SEPTIN9: variants seen among roughly 807,000 people sequenced by gnomAD.
The protein encoded by SEPTIN9 is septin 9.
A neutral mutation model predicts 56.6 loss-of-function variants in SEPTIN9; 13 were observed. The ratio of observed to expected loss-of-function variants is 0.23; its 90% CI spans 0.15 to 0.37. SEPTIN9 has a LOEUF of 0.37. Ranked by LOEUF, SEPTIN9 falls within the 10% of genes least tolerant of loss-of-function variation. SEPTIN9 has a pLI of 1.00. For missense variants in SEPTIN9, 650 were observed against 823.1 expected (o/e 0.79, Z 2.57); for synonymous variants, 332 against 334.1 (o/e 0.99, Z 0.07).
chr17:77,399,218 A>G (rs1450384358), intron 2 of SEPTIN9, among the ~76,000 whole-genome samples: 1 of 152,172 alleles, frequency 6.6e-6, no homozygotes, highest in Non-Finnish European at 1.5e-5. Context: ...AGTGTCTTCG[A>G]TCATGAGTTG....
intron 3 of SEPTIN9, among the ~76,000 whole-genome samples, chr17:77,480,624 G>T (rs2039417366): frequency 6.6e-6 from 1 of 152,220 alleles, no homozygotes; most frequent in African/African-American, 2.4e-5. Flanking sequence ...CGGGGGATGA[G>T]CCCCCTGCAG....
chr17:77,294,729 T>G (rs1410032589), intron 1 of SEPTIN9: 1 of 152,774 alleles, frequency 6.5e-6, no homozygotes, highest in Admixed American at 6.5e-5. Context: ...AACTGAATCC[T>G]TTGCTTACAA....
intron 3 of SEPTIN9, among the ~76,000 whole-genome samples, chr17:77,427,494 G>T (rs559448104): frequency 2.0e-5 from 3 of 152,296 alleles, no homozygotes; most frequent in African/African-American, 7.2e-5. Context: ...CCGTCCTCCG[G>T]GCTCTGGCAA....
intron 3 of SEPTIN9, among the ~76,000 whole-genome samples, chr17:77,459,202 A>G (rs2038349980): frequency 6.6e-6 from 1 of 152,184 alleles, no homozygotes; most frequent in African/African-American, 2.4e-5. Context: ...ACTTGCCTAA[A>G]GTCCCTTAGC....
chr17:77,356,950 T>C (rs1372198154), intron 2 of SEPTIN9, among the ~76,000 whole-genome samples: 1 of 151,098 alleles, frequency 6.6e-6, no homozygotes, highest in Non-Finnish European at 1.5e-5. Flanking sequence ...GTGGCCTTAT[T>C]TATGACTCAG....
At chr17:77,348,899 T>C (rs2033972131) in intron 2 of SEPTIN9, among the ~76,000 whole-genome samples, 1 of 152,148 alleles carries the variant, frequency 6.6e-6, no homozygotes, top group Non-Finnish European at 1.5e-5. Context: ...AACAGAATCT[T>C]TTCTATTTGC....
In SEPTIN9 at chr17:77,487,379, G is replaced by A. The variant is rs440024; in HGVS notation, c.914-45G>A. 4.8e-3 allele frequency: 7,432 copies of A among 1,564,354 alleles called. 303 individuals are homozygous for A. In the African/African-American group the frequency reaches 0.089, roughly 19 times the overall value. On this transcript the variant is annotated intron_variant, in intron 4 of 11. Coordinates refer to ENST00000427177, the MANE Select transcript of SEPTIN9 (RefSeq NM_001113491.2). The surrounding 1 kb of genome is among the most constrained non-coding windows in gnomAD (Gnocchi z 4.3). ...GGGGCCCCATGTGCAGACCCTGCTGGTCTCTCCGGAGAGACCCCTGACCGG... is the reference window on the plus strand; with the variant it reads ...GGGGCCCCATGTGCAGACCCTGCTGATCTCTCCGGAGAGACCCCTGACCGG...
At chr17:77,479,280 G>C (rs187595571) in intron 3 of SEPTIN9, among the ~76,000 whole-genome samples, 1 of 152,362 alleles carries the variant, frequency 6.6e-6, no homozygotes, top group East Asian at 1.9e-4. Context: ...GTTTCCAGCT[G>C]TCTGAGCACC....
chr17:77,493,188 C>A, intron 10 of SEPTIN9, 112 bp downstream of exon 10: 1 of 778,884 alleles, frequency 1.3e-6, no homozygotes, highest in Non-Finnish European at 2.1e-6. Context: ...TCATCCACTG[C>A]CTTGCCCCAC....
At position 77,319,370 on chromosome 17, in the gene SEPTIN9, C is replaced by T. The variant is rs2032818300; in HGVS notation, c.76+12173C>T. On this transcript the variant is annotated intron_variant, in intron 2 of 11. Coordinates refer to ENST00000427177, the MANE Select transcript of SEPTIN9 (RefSeq NM_001113491.2). This position sits in a 1 kb window ranked among gnomAD's most constrained non-coding sequence, Gnocchi z 5.3. ...AACAGTGGGGAACAGCACTGATCCC[C>T]CAGTGGGGCCCCGAGTTCCCGGAGA... 4.4e-6 allele frequency: 1 copy of T among 225,660 alleles called. No individual in the cohort carries two copies. Among genetic ancestry groups the T allele is most frequent in the Non-Finnish European group, 7.9e-6 (1 of 126,244 alleles). 14.0% of individuals were successfully genotyped at this position (225,660 alleles called of 1,614,324 possible).
Position 77,500,391 on chromosome 17 carries a change from T to TGGGG in SEPTIN9, c.*1735_*1738dup. On this transcript the variant is annotated 3_prime_UTR_variant, in exon 12 of 12. Coordinates refer to ENST00000427177, the MANE Select transcript of SEPTIN9 (RefSeq NM_001113491.2). Reference sequence around the variant, plus strand: ...AATGTCACTTGGTGGCGGGGTGGGGTGGGGGTGGGCAGCAGCATCCCAGCC... The same window carrying TGGGG: ...AATGTCACTTGGTGGCGGGGTGGGGTGGGGGGGGGTGGGCAGCAGCATCCCAGCC... The TGGGG allele has an allele frequency of 6.3e-6, 1 of 158,896 alleles. No individual in the cohort carries two copies. Among genetic ancestry groups the TGGGG allele is most frequent in the African/African-American group, 2.5e-5 (1 of 39,558 alleles). 9.8% of individuals were successfully genotyped at this position (158,896 alleles called of 1,614,324 possible). A position where few individuals can be genotyped will look rare whatever the true frequency, so the allele number is the denominator to read the frequency against.
intron 3 of SEPTIN9, among the ~76,000 whole-genome samples, chr17:77,439,887 A>C (rs867160515): frequency 8.5e-5 from 13 of 152,174 alleles, no homozygotes; most frequent in Middle Eastern, 3.2e-3. Context: ...AGTGCTGCCA[A>C]ATTGCCCCAT....
chr17:77,339,379 G>C (rs1258709634), intron 2 of SEPTIN9, among the ~76,000 whole-genome samples: 1 of 152,172 alleles, frequency 6.6e-6, no homozygotes, highest in African/African-American at 2.4e-5. Context: ...CAGAATGGGT[G>C]TTACATTAGC....
At chr17:77,332,341 C>T (rs2033398332) in intron 2 of SEPTIN9, among the ~76,000 whole-genome samples, 1 of 151,968 alleles carries the variant, frequency 6.6e-6, no homozygotes, top group Admixed American at 6.6e-5. Context: ...AACACCCATG[C>T]ACCTACCACC....
In SEPTIN9 at chr17:77,371,591, C is replaced by T. The variant is rs1225016667; in HGVS notation, c.77-30468C>T. ...TCTTAGGTACTGGACCCCCAAATCC[C>T]CAAATACGGCGTGGACAGGTGGCCC... On this transcript the variant is annotated intron_variant, in intron 2 of 11. Transcript: ENST00000427177. This position sits in a 1 kb window ranked among gnomAD's most constrained non-coding sequence, Gnocchi z 4.1. Among the ~76,000 whole-genome samples, 2 of 152,204 alleles carry T rather than the reference C, an allele frequency of 1.3e-5. No individual in the cohort carries two copies. Among genetic ancestry groups the T allele is most frequent in the East Asian group, 3.8e-4 (2 of 5,196 alleles).
chr17:77,386,957 C>T (rs932388476), intron 2 of SEPTIN9, among the ~76,000 whole-genome samples: 3 of 152,212 alleles, frequency 2.0e-5, no homozygotes, highest in African/African-American at 4.8e-5. Flanking sequence ...GAAGCTGTGA[C>T]CACACAGGCA....
At chr17:77,490,388 C>T (rs1305156971) in intron 7 of SEPTIN9, among the ~76,000 whole-genome samples, 1 of 152,224 alleles carries the variant, frequency 6.6e-6, no homozygotes, top group Non-Finnish European at 1.5e-5. Context: ...TCTTGCCTCT[C>T]CCCTCCCAGC....
At chr17:77,480,125 T>C (rs113145220) in intron 3 of SEPTIN9, among the ~76,000 whole-genome samples, 1,621 of 152,264 alleles carry the variant, frequency 0.011, 27 homozygotes, top group African/African-American at 0.036. Flanking sequence ...GGTCCGCCTG[T>C]GGGTATTGCT....
intron 3 of SEPTIN9, among the ~76,000 whole-genome samples, chr17:77,413,947 T>C (rs1316414536): frequency 7.9e-6 from 1 of 126,258 alleles, no homozygotes; most frequent in Non-Finnish European, 1.7e-5. Context: ...TTTCTTTTTT[T>C]TTTTTTTTTT....
Sources: allele counts gnomAD v4.1 joint callset (sites outside exome capture counted in the v4.1 genomes callset), GRCh38; gene constraint gnomAD v4.1.1; non-coding constraint Gnocchi (gnomAD v3.1); transcripts MANE v1.5; gene names NCBI Gene and HGNC (gene_info 2026-07-23, HGNC 2026-07-21).